FBXL13: variants seen among roughly 807,000 people sequenced by gnomAD.
The protein encoded by FBXL13 is F-box and leucine-rich repeat protein 13.
FBXL13 carries 67 observed loss-of-function variants against 83.6 expected under a neutral mutation model. The observed-to-expected ratio is 0.80, with a 90% CI of 0.66 to 0.98. The LOEUF is 0.98. Ranked by LOEUF, FBXL13 falls within the 50% of genes least tolerant of loss-of-function variation. FBXL13 has a pLI of 0.00. For synonymous variants in FBXL13, 272 were observed against 299.5 expected (o/e 0.91, Z 0.95); for missense variants, 822 against 866.5 (o/e 0.95, Z 0.64).
intron 16 of FBXL13, among the ~76,000 whole-genome samples, chr7:102,869,752 G>C (rs1186988502): frequency 1.3e-5 from 2 of 152,080 alleles, no homozygotes; most frequent in African/African-American, 4.8e-5. Flanking sequence ...CCCAATGTGT[G>C]TTCTTGGTGC....
At chr7:102,908,980 C>T (rs1814207959) in intron 11 of FBXL13, among the ~76,000 whole-genome samples, 1 of 152,228 alleles carries the variant, frequency 6.6e-6, no homozygotes, top group African/African-American at 2.4e-5. Flanking sequence ...TCCTCCTCTT[C>T]AGGGTGGTGA....
intron 16 of FBXL13, among the ~76,000 whole-genome samples, chr7:102,866,446 A>G (rs969245761): frequency 3.3e-5 from 5 of 152,200 alleles, no homozygotes; most frequent in Non-Finnish European, 7.3e-5. Context: ...GTCCAGCTCC[A>G]TATGAAAAAA....
rs1397135881 is a variant in FBXL13 at position 102,890,939 on chromosome 7, A to G, written c.1009-6627T>C. Among the ~76,000 whole-genome samples, 10 of 152,214 alleles carry G rather than the reference A, an allele frequency of 6.6e-5. No individual in the cohort carries two copies. In the East Asian group the frequency reaches 1.9e-3, roughly 29 times the overall value. On this transcript the variant is annotated intron_variant, in intron 11 of 19. Coordinates refer to ENST00000313221, the Ensembl canonical transcript of FBXL13. ...GACTAATAGGTAGTGTGATGACTTTAGTAATATCCATATATTTTTATGTCC... is the reference window on the plus strand; with the variant it reads ...GACTAATAGGTAGTGTGATGACTTTGGTAATATCCATATATTTTTATGTCC...
intron 6 of FBXL13, among the ~76,000 whole-genome samples, chr7:102,974,061 T>G (rs1394520132): frequency 6.6e-6 from 1 of 151,996 alleles, no homozygotes; most frequent in Admixed American, 6.5e-5. Flanking sequence ...CCATCCTCAA[T>G]TCCAAAAAAC....
chr7:102,944,604 A>G, intron 8 of FBXL13: 1 of 1,592,816 alleles, frequency 6.3e-7, no homozygotes, highest in Non-Finnish European at 8.5e-7. Context: ...CTATAGTAGG[A>G]TAAGGTAGAA....
chr7:102,961,198 A>G (rs1382085308), intron 8 of FBXL13, among the ~76,000 whole-genome samples: 1 of 150,008 alleles, frequency 6.7e-6, no homozygotes, highest in Non-Finnish European at 1.5e-5. Flanking sequence ...ACAACAGACA[A>G]ACAGAGAGCC....
intron 6 of FBXL13, chr7:102,973,353 C>G (rs1826977218): frequency 1.5e-6 from 1 of 654,458 alleles, no homozygotes. Flanking sequence ...GGCCAGAAGA[C>G]ACCTACCCTG....
At chr7:103,070,022 T>A (rs1034307055) in intron 1 of FBXL13, among the ~76,000 whole-genome samples, 3 of 141,756 alleles carry the variant, frequency 2.1e-5, no homozygotes, top group Non-Finnish European at 4.5e-5. Context: ...GAGCTTGCAG[T>A]GAGCCGAGAT....
chr7:102,824,735 C>T (rs2129446090), intron 18 of FBXL13, among the ~76,000 whole-genome samples: 1 of 151,578 alleles, frequency 6.6e-6, no homozygotes, highest in Middle Eastern at 3.4e-3. Context: ...ATCCGCTCAC[C>T]TTGGCCTCCT....
intron 1 of FBXL13, among the ~76,000 whole-genome samples, chr7:103,060,730 A>G (rs1797820896): frequency 6.6e-6 from 1 of 152,234 alleles, no homozygotes; most frequent in African/African-American, 2.4e-5. Context: ...TGAAATAGTA[A>G]TATTATAATA....
At chr7:102,840,708 AAGGGAGGCTACC>A (rs1802776366) in intron 17 of FBXL13, among the ~76,000 whole-genome samples, 1 of 152,178 alleles carries the variant, frequency 6.6e-6, no homozygotes, top group Non-Finnish European at 1.5e-5. Flanking sequence ...TGATCTAATC[AAGGGAGGCTACC>A]AGTCTAGTGG....
At chr7:102,910,899 G>A (rs1395721014) in intron 11 of FBXL13, among the ~76,000 whole-genome samples, 1 of 152,040 alleles carries the variant, frequency 6.6e-6, no homozygotes, top group Non-Finnish European at 1.5e-5. Flanking sequence ...GCTGGGACCA[G>A]AGGCATGCAC....
intron 16 of FBXL13, 28 bp downstream of exon 17, chr7:102,877,439 G>C (rs1809414046): frequency 2.0e-6 from 3 of 1,514,432 alleles, no homozygotes; most frequent in Non-Finnish European, 2.7e-6. Flanking sequence ...AACAATAAAA[G>C]TCATTGTACT....
chr7:103,055,585 A>G (rs1049661133), intron 2 of FBXL13, 59 bp downstream of exon 2: 3 of 724,078 alleles, frequency 4.1e-6, no homozygotes, highest in Non-Finnish European at 6.0e-6. Context: ...GTTACTATGC[A>G]ATAAAAGTTT....
At chr7:103,015,555 T>C (rs1397771066) in intron 6 of FBXL13, among the ~76,000 whole-genome samples, 1 of 152,132 alleles carries the variant, frequency 6.6e-6, no homozygotes, top group East Asian at 1.9e-4. Flanking sequence ...CCCAGCACTT[T>C]GGGAGGCTGA....
intron 6 of FBXL13, among the ~76,000 whole-genome samples, chr7:102,999,721 A>G (rs1219624598): frequency 6.6e-6 from 1 of 151,874 alleles, no homozygotes; most frequent in Non-Finnish European, 1.5e-5. Flanking sequence ...AATACTCTCT[A>G]ATGATCCTTG....
At chr7:103,036,685 T>C (rs1003721974) in intron 2 of FBXL13, among the ~76,000 whole-genome samples, 4 of 152,180 alleles carry the variant, frequency 2.6e-5, no homozygotes, top group Non-Finnish European at 4.4e-5. Flanking sequence ...CTAATTTTTG[T>C]ATTTTTAGTA....
intron 14 of FBXL13, 23 bp downstream of exon 15, chr7:102,883,282 T>C: frequency 6.3e-7 from 1 of 1,597,288 alleles, no homozygotes; most frequent in Non-Finnish European, 8.5e-7. Context: ...GTTTCTTGAA[T>C]ATATTACTGA....
chr7:103,022,623 G>A (rs960591806), intron 6 of FBXL13, among the ~76,000 whole-genome samples: 5 of 152,126 alleles, frequency 3.3e-5, no homozygotes, highest in Non-Finnish European at 5.9e-5. Flanking sequence ...CTAGCCACAC[G>A]CGGAATATTG....
Sources: gnomAD v4.1 joint callset for allele counts (sites outside exome capture counted in the v4.1 genomes callset) on GRCh38, gnomAD v4.1.1 for gene constraint, MANE v1.5 for transcripts, NCBI Gene and HGNC (gene_info 2026-07-23, HGNC 2026-07-21) for gene names.